The following ALK variants were observed in gnomAD, a reference collection of about 807,000 sequenced individuals.
The protein encoded by ALK is ALK tyrosine kinase receptor.
Under a neutral mutation model 163.1 loss-of-function variants are expected in ALK, and 74 were observed. That is an observed-to-expected ratio of 0.45 (90% CI 0.38 to 0.55). ALK has a LOEUF of 0.55. Ranked by LOEUF, ALK falls within the 20% of genes least tolerant of loss-of-function variation. The probability of loss-of-function intolerance (pLI) is 0.00; values close to 1 mark genes in which losing one functional copy is unlikely to be tolerated. For missense variants in ALK, 2,063 were observed against 2,105.3 expected (o/e 0.98, Z 0.39); for synonymous variants, 960 against 843.2 (o/e 1.14, Z -2.40).
chr2:29,750,652 G>A (rs1000719945), intron 1 of ALK, among the ~76,000 whole-genome samples: 1 of 102,596 alleles, frequency 9.7e-6, no homozygotes, highest in African/African-American at 3.5e-5. Context: ...AGGAAGGAAG[G>A]AAGGAAGGAA....
At chr2:29,332,049 G>C (rs943923748) in intron 5 of ALK, among the ~76,000 whole-genome samples, 1 of 151,874 alleles carries the variant, frequency 6.6e-6, no homozygotes, top group Non-Finnish European at 1.5e-5. Context: ...GACTTTGGGA[G>C]GCTGAGGTGG....
chr2:29,771,859 GA>G (rs1190364902), intron 1 of ALK, among the ~76,000 whole-genome samples: 2 of 152,200 alleles, frequency 1.3e-5, no homozygotes. Flanking sequence ...TATACCCAGA[GA>G]AACTACCAAA....
At chr2:29,686,807 C>G (rs983109418) in intron 3 of ALK, among the ~76,000 whole-genome samples, 1 of 152,174 alleles carries the variant, frequency 6.6e-6, no homozygotes, top group Non-Finnish European at 1.5e-5. Flanking sequence ...AGGTCCACCC[C>G]TGAGGCAAGC....
chr2:29,470,133 A>C (rs1050789383), intron 4 of ALK, among the ~76,000 whole-genome samples: 5 of 152,178 alleles, frequency 3.3e-5, no homozygotes, highest in Non-Finnish European at 5.9e-5. Flanking sequence ...ATTAGACACA[A>C]GAGAACAGAA....
chr2:29,824,078 C>A (rs1053043668), intron 1 of ALK, among the ~76,000 whole-genome samples: 2 of 152,178 alleles, frequency 1.3e-5, no homozygotes, highest in Non-Finnish European at 2.9e-5. Flanking sequence ...TCATGACTAA[C>A]AGGAGCCAAG....
chr2:29,439,456 G>T (rs1446990788), intron 4 of ALK, among the ~76,000 whole-genome samples: 2 of 152,144 alleles, frequency 1.3e-5, no homozygotes, highest in Non-Finnish European at 2.9e-5. Flanking sequence ...GCGATGGAAG[G>T]TGCTATTTGC....
chr2:29,759,166 G>T (rs1680628882), intron 1 of ALK, among the ~76,000 whole-genome samples: 1 of 152,128 alleles, frequency 6.6e-6, no homozygotes, highest in South Asian at 2.1e-4. Context: ...CTGCAAGATG[G>T]TCACACAAGA....
intron 16 of ALK, among the ~76,000 whole-genome samples, chr2:29,228,492 AG>A (rs1558627037): frequency 6.6e-6 from 1 of 152,146 alleles, no homozygotes; most frequent in South Asian, 2.1e-4. Context: ...GGGCTGAGGT[AG>A]GGAGCAGGAG....
intron 4 of ALK, among the ~76,000 whole-genome samples, chr2:29,468,404 G>T (rs1311246584): frequency 6.6e-6 from 1 of 152,170 alleles, no homozygotes; most frequent in Non-Finnish European, 1.5e-5. Flanking sequence ...CTGAGCACTT[G>T]GGAGATTAAT....
At chr2:29,659,528 G>A (rs1426258902) in intron 3 of ALK, among the ~76,000 whole-genome samples, 3 of 152,124 alleles carry the variant, frequency 2.0e-5, no homozygotes, top group African/African-American at 7.2e-5. Flanking sequence ...GAAGCGTAGG[G>A]CATTCTAAGC....
At chr2:29,460,853 G>T (rs1169148327) in intron 4 of ALK, among the ~76,000 whole-genome samples, 2 of 152,146 alleles carry the variant, frequency 1.3e-5, no homozygotes, top group African/African-American at 4.8e-5. Context: ...AGTTGGAAAT[G>T]ATTAAGCTTG....
chr2:29,298,577 C>T (rs1200402732), intron 8 of ALK, among the ~76,000 whole-genome samples: 1 of 152,126 alleles, frequency 6.6e-6, no homozygotes, highest in Non-Finnish European at 1.5e-5. Flanking sequence ...CTCTTGATTT[C>T]CACAGTTGAT....
intron 3 of ALK, among the ~76,000 whole-genome samples, chr2:29,589,397 G>C (rs1674982516): frequency 1.3e-5 from 2 of 152,144 alleles, no homozygotes; most frequent in Non-Finnish European, 2.9e-5. Context: ...TACCTCATGG[G>C]GAAAAATCTT....
intron 1 of ALK, among the ~76,000 whole-genome samples, chr2:29,904,232 T>C (rs1288062689): frequency 6.6e-6 from 1 of 152,188 alleles, no homozygotes; most frequent in Non-Finnish European, 1.5e-5. Flanking sequence ...ATTAAAATCC[T>C]TCAACATGAA....
intron 1 of ALK, among the ~76,000 whole-genome samples, chr2:29,751,690 T>C (rs1203308911): frequency 6.6e-6 from 1 of 152,114 alleles, no homozygotes; most frequent in Non-Finnish European, 1.5e-5. Flanking sequence ...TACCGAAACT[T>C]AGGGACAATT....
chr2:29,479,311 GTCTT>G (rs1348187135), intron 4 of ALK, among the ~76,000 whole-genome samples: 2 of 152,196 alleles, frequency 1.3e-5, no homozygotes, highest in Non-Finnish European at 2.9e-5. Flanking sequence ...CACAGCCTCA[GTCTT>G]TCTTCATACA....
chr2:29,333,026 G>A lies in ALK; in HGVS notation c.1283-4545C>T, dbSNP rs117597264. Among the ~76,000 whole-genome samples the A allele has an allele frequency of 1.3e-3, 202 of 152,278 alleles. 3 individuals carry two copies. In the East Asian group the frequency reaches 0.029, roughly 22 times the overall value. ...CATACTACCTCCTGGCCAACCCTGA[G>A]TTTTACCAGAATTTTTATTTTTAAC... On this transcript the variant is annotated intron_variant, in intron 5 of 28. Transcript: ENST00000389048.
In ALK at chr2:29,921,190, G is replaced by A. The variant is rs1326191012; in HGVS notation, c.-531C>T. ...CTCCAAGCTCTTCTGCCCGGTCTGG[G>A]CGGGAACCGAGGGCGGAGGCTGCCG... On this transcript the variant is annotated 5_prime_UTR_variant, in exon 1 of 29. Transcript: ENST00000389048. 5 of 234,738 alleles carry A rather than the reference G, an allele frequency of 2.1e-5. No individual in the cohort carries two copies. The highest frequency in any genetic ancestry group is 5.6e-5 in the Admixed American group (1 of 17,914). 14.5% of individuals were successfully genotyped at this position (234,738 alleles called of 1,614,324 possible).
chr2:29,645,938 G>A (rs960907041), intron 3 of ALK, among the ~76,000 whole-genome samples: 1 of 152,000 alleles, frequency 6.6e-6, no homozygotes, highest in African/African-American at 2.4e-5. Context: ...CTCTTTCTTA[G>A]CTACAGTCAT....
Sources: allele counts gnomAD v4.1 joint callset (sites outside exome capture counted in the v4.1 genomes callset), GRCh38; gene constraint gnomAD v4.1.1; transcripts MANE v1.5; gene names NCBI Gene and HGNC (gene_info 2026-07-23, HGNC 2026-07-21).